The following DNAH1 variants were observed in gnomAD, a reference collection of about 807,000 sequenced individuals.
DNAH1 encodes the protein axonemal beta dynein heavy chain 1.
A neutral mutation model predicts 484.3 loss-of-function variants in DNAH1; 327 were observed. The observed-to-expected ratio is 0.68, with a 90% confidence interval of 0.62 to 0.74. The LOEUF (loss-of-function observed/expected upper bound fraction) is 0.74, where lower values mean the gene tolerates loss of function less well. Ranked by LOEUF, DNAH1 falls within the 30% of genes least tolerant of loss-of-function variation. DNAH1 has a pLI of 0.00. For synonymous variants in DNAH1, 2,192 were observed against 2,191.9 expected, an observed-to-expected ratio of 1.00 and a Z score of 0.00; for missense variants, 5,052 against 5,546.8, an observed-to-expected ratio of 0.91 and a Z score of 2.83.
rs201550077 is a variant in DNAH1, at chr3:52,388,184, G to A, written c.9021G>A (p.Val3007=). ...FKFDKDNIGD[V]VIKAIQPYID... is the part of the protein sequence containing the mutation. ...CACCTCAGGACAACATTGGGGATGT[G>A]GTGATCAAAGCCATCCAGCCGTACA... The change falls in exon 57 of 78, where the codon GTG becomes GTA. Residue 3007 remains valine (V), a synonymous_variant. Coordinates refer to ENST00000420323, the MANE Select transcript of DNAH1 (RefSeq NM_015512.5). 4 of 1,609,646 alleles carry A rather than the reference G, an allele frequency of 2.5e-6. No individual in the cohort carries two copies. In the Admixed American group the frequency reaches 6.7e-5, roughly 27 times the overall value.
chr3:52,371,369 T>A (rs1703332356), intron 41 of DNAH1, among the ~76,000 whole-genome samples: 1 of 152,222 alleles, frequency 6.6e-6, no homozygotes, highest in Non-Finnish European at 1.5e-5. Context: ...CAGGGCACAT[T>A]TGGGTCTAAC....
At position 52,326,137 on chromosome 3, in the gene DNAH1, C is replaced by T. The variant is rs945584195; in HGVS notation, c.407-3C>T. 6.3e-6 allele frequency: 10 copies of T among 1,585,710 alleles called. No homozygotes were observed. The Admixed American group carries it at 8.7e-5, about 14-fold the overall frequency. ...AAGCCCCTGCCCCTGCTTCTACCTGCAGTCGGAAGCTTTGAGGTTCCTGAA... is the reference window on the plus strand; with the variant it reads ...AAGCCCCTGCCCCTGCTTCTACCTGTAGTCGGAAGCTTTGAGGTTCCTGAA... On this transcript the variant is annotated splice_polypyrimidine_tract_variant and splice_region_variant and intron_variant, in intron 3 of 77. Transcript: ENST00000420323.
intron 39 of DNAH1, 48 bp downstream of exon 39, chr3:52,370,277 A>G (rs1430272021): frequency 3.1e-6 from 5 of 1,597,920 alleles, no homozygotes; most frequent in South Asian, 1.1e-5. Flanking sequence ...CTCTCCCCAC[A>G]CTGCTCTCCT....
Position 52,395,497 on chromosome 3 carries a change from G to T in DNAH1, c.11127+31G>T. 6.2e-7 allele frequency: 1 copy of T among 1,613,430 alleles called. No homozygotes were observed. Reference sequence around the variant, plus strand: ...GGCTAGGCAGGGAGGAAGGGAGTGGGCTGGGGGGTGGGCAAGCTGGCCCCC... The same window carrying T: ...GGCTAGGCAGGGAGGAAGGGAGTGGTCTGGGGGGTGGGCAAGCTGGCCCCC... On this transcript the variant is annotated intron_variant, in intron 69 of 77. Coordinates refer to ENST00000420323, the MANE Select transcript of DNAH1 (RefSeq NM_015512.5). This position sits in a 1 kb window ranked among gnomAD's most constrained non-coding sequence, Gnocchi z 4.4.
In DNAH1 at chr3:52,369,751, C is replaced by T. The variant is rs1053798477; in HGVS notation, c.5944-74C>T. The T allele has an allele frequency of 1.6e-5, 24 of 1,496,658 alleles. No homozygotes were observed. In the African/African-American group the frequency reaches 1.9e-4, roughly 12 times the overall value. The allele number at this position is 1,496,658 out of a possible 1,614,324, so 92.7% of individuals were successfully genotyped here. A position where few individuals can be genotyped will look rare whatever the true frequency, so the allele number is the denominator to read the frequency against. On this transcript the variant is annotated intron_variant, in intron 37 of 77. Transcript: ENST00000420323. ...ACTTACAGGATGTGCAGCCCCTCCC[C>T]GCAGCCCTGCAGCCCTTTCTCCAGG... is the stretch of plus-strand genomic sequence containing the variant.
intron 8 of DNAH1, among the ~76,000 whole-genome samples, chr3:52,340,063 T>A (rs1701879204): frequency 6.6e-6 from 1 of 152,184 alleles, no homozygotes; most frequent in Non-Finnish European, 1.5e-5. Flanking sequence ...CAGGGCTTTT[T>A]TTCAGTATTT....
At chr3:52,383,079 G>A (rs986780301) in intron 50 of DNAH1, among the ~76,000 whole-genome samples, 1 of 152,198 alleles carries the variant, frequency 6.6e-6, no homozygotes, top group Non-Finnish European at 1.5e-5. Context: ...ATCTCTGCCC[G>A]TGGCCATGGT....
Position 52,364,501 on chromosome 3 carries a change from T to G in DNAH1, c.5245-137T>G, listed in dbSNP as rs916005028. The G allele has an allele frequency of 1.0e-6, 1 of 964,742 alleles. No homozygotes were observed. Among genetic ancestry groups the G allele is most frequent in the African/African-American group, 1.6e-5 (1 of 62,246 alleles). 59.8% of individuals were successfully genotyped at this position (964,742 alleles called of 1,614,324 possible). ...CTGCCCAGGCTGGGCATGTAGGTGG[T>G]CCCAGCAGGTCTGCAAGGGAAGTGC... On this transcript the variant is annotated intron_variant, in intron 32 of 77. Coordinates refer to ENST00000420323, the MANE Select transcript of DNAH1 (RefSeq NM_015512.5). The surrounding 1 kb of genome is among the most constrained non-coding windows in gnomAD (Gnocchi z 4.2).
At chr3:52,352,386 C>A (rs1702421523) in intron 17 of DNAH1, among the ~76,000 whole-genome samples, 166 bp from the exon 18 acceptor site, 1 of 152,116 alleles carries the variant, frequency 6.6e-6, no homozygotes, top group Non-Finnish European at 1.5e-5. Context: ...TGCATTGGGT[C>A]TCCCCTGGCT....
chr3:52,321,411 G>A (rs866128511), intron 1 of DNAH1, among the ~76,000 whole-genome samples: 58 of 152,256 alleles, frequency 3.8e-4, no homozygotes, highest in African/African-American at 1.3e-3. Context: ...CCACCGCCCC[G>A]GCCTCTTTTT....
upstream of DNAH1, among the ~76,000 whole-genome samples, chr3:52,311,808 C>T (rs533230666): frequency 1.3e-5 from 2 of 152,206 alleles, no homozygotes; most frequent in African/African-American, 4.8e-5. Flanking sequence ...GGCATCAGGA[C>T]GAGACCTGTG....
At chr3:52,396,050 T>G (rs1478608832) in intron 70 of DNAH1, among the ~76,000 whole-genome samples, 1 of 151,870 alleles carries the variant, frequency 6.6e-6, no homozygotes, top group Non-Finnish European at 1.5e-5. Flanking sequence ...GCGATTCTTC[T>G]GCCTCAGCCT....
chr3:52,386,952 GC>G (rs1434863354), intron 56 of DNAH1, 99 bp downstream of exon 56: 3 of 1,265,064 alleles, frequency 2.4e-6, no homozygotes, highest in Non-Finnish European at 3.2e-6. Flanking sequence ...CACATCATCT[GC>G]ATGTGCAGTG....
chr3:52,359,965 G>A lies in DNAH1; in HGVS notation c.4457G>A (p.Arg1486Gln), dbSNP rs540607147. 41 of 1,613,896 alleles carry A rather than the reference G, an allele frequency of 2.5e-5. 1 individual carries two copies. Among genetic ancestry groups the A allele is most frequent in the Admixed American group, 1.0e-4 (6 of 60,022 alleles). The change falls in exon 27 of 78, where the codon CGG becomes CAG. Residue 1486 changes from arginine to glutamine, a missense_variant. Coordinates refer to ENST00000420323, the MANE Select transcript of DNAH1 (RefSeq NM_015512.5). The part of the protein sequence containing the change: ...LVRGKLSRMQ[R>Q]AVLSALIVIE... ...CGGGGGAAGCTGTCCCGCATGCAGC[G>A]GGCAGTGCTGTCAGCGCTAATCGTC...
At chr3:52,370,059 G>A (rs1388921276) in intron 38 of DNAH1, 40 bp downstream of exon 38, 1 of 1,613,682 alleles carries the variant, frequency 6.2e-7, no homozygotes, top group Non-Finnish European at 8.5e-7. Context: ...TGGCAGGGCA[G>A]CAGGGCACTG....
chr3:52,325,484 T>C (rs1427473965), intron 3 of DNAH1, among the ~76,000 whole-genome samples: 1 of 152,206 alleles, frequency 6.6e-6, no homozygotes, highest in Non-Finnish European at 1.5e-5. Flanking sequence ...TCACTTTGCC[T>C]GGGACTTTCT....
intron 14 of DNAH1, among the ~76,000 whole-genome samples, chr3:52,349,778 G>A (rs1025781926): frequency 2.0e-5 from 3 of 152,338 alleles, no homozygotes; most frequent in East Asian, 1.9e-4. Flanking sequence ...CTGGAAGGGT[G>A]AGGTGTGCCG....
At chr3:52,315,192 A>T (rs775101894), upstream of DNAH1, among the ~76,000 whole-genome samples, 1 of 152,072 alleles carries the variant, frequency 6.6e-6, no homozygotes, top group Non-Finnish European at 1.5e-5. Flanking sequence ...CCTGCAACTC[A>T]CTTTCTTGTG....
Position 52,381,705 on chromosome 3 carries a change from G to C in DNAH1, c.7674G>C (p.Leu2558=). ...YNQINTAKLK[L]VLFMDAMSHI... ...AGATCAACACGGCCAAGCTGAAGCT[G>C]GTCCTCTTCATGGACGCCATGAGCC... Residue 2558 remains leucine, a synonymous_variant, in exon 49 of 78, where the codon CTG becomes CTC. Transcript: ENST00000420323. The surrounding 1 kb of genome is among the most constrained non-coding windows in gnomAD (Gnocchi z 4.1). 1 of 1,607,232 alleles carries C rather than the reference G, an allele frequency of 6.2e-7. No homozygotes were observed. The highest frequency in any genetic ancestry group is 8.5e-7 in the Non-Finnish European group (1 of 1,177,352).
Sources: allele counts gnomAD v4.1 joint callset (sites outside exome capture counted in the v4.1 genomes callset), GRCh38; gene constraint gnomAD v4.1.1; non-coding constraint Gnocchi (gnomAD v3.1); transcripts MANE v1.5; gene names NCBI Gene and HGNC (gene_info 2026-07-23, HGNC 2026-07-21).